The following PLEKHG4B variants were observed in gnomAD, a reference collection of about 807,000 sequenced individuals.
The protein encoded by PLEKHG4B is pleckstrin homology and RhoGEF domain containing G4B.
A neutral mutation model predicts 121.3 loss-of-function variants in PLEKHG4B; 111 were observed. The ratio of observed to expected loss-of-function variants is 0.92; its 90% CI spans 0.78 to 1.07. The LOEUF (loss-of-function observed/expected upper bound fraction) is 1.07. Among genes scored for constraint, PLEKHG4B ranks in the 50% least tolerant of loss-of-function variants. The pLI, the probability that PLEKHG4B is intolerant of heterozygous loss-of-function variation, is 0.00. For missense variants in PLEKHG4B, 1,831 were observed against 1,757.8 expected, an observed-to-expected ratio of 1.04 and a Z score of -0.74; for synonymous variants, 738 against 725.0, an observed-to-expected ratio of 1.02 and a Z score of -0.29.
chr5:99,020 G>A (rs1207722652), intron 1 of PLEKHG4B, among the ~76,000 whole-genome samples: 2 of 146,010 alleles, frequency 1.4e-5, no homozygotes, highest in Admixed American at 6.8e-5. Flanking sequence ...GCTGGGTGTG[G>A]TGCTGTGCAC....
In PLEKHG4B at chr5:113,531, C is replaced by T. The variant is rs1734219361; in HGVS notation, c.243+83C>T. ...CCCTGGGCAGGGCAGGAATTGGGCCCATCAGGGCACTGGCTCAGTTCTTTC... is the reference window on the plus strand; with the variant it reads ...CCCTGGGCAGGGCAGGAATTGGGCCTATCAGGGCACTGGCTCAGTTCTTTC... On this transcript the variant is annotated intron_variant, in intron 2 of 19. Transcript: ENST00000637938. The surrounding 1 kb of genome is among the most constrained non-coding windows in gnomAD (Gnocchi z 5.2). 9 of 398,490 alleles carry T rather than the reference C, an allele frequency of 2.3e-5. No homozygotes were observed. In the East Asian group the frequency reaches 3.2e-4, roughly 14 times the overall value. 24.7% of individuals were successfully genotyped at this position (398,490 alleles called of 1,614,324 possible). A position where few individuals can be genotyped will look rare whatever the true frequency, so the allele number is the denominator to read the frequency against.
At chr5:108,586 G>A (rs1436771423) in intron 1 of PLEKHG4B, among the ~76,000 whole-genome samples, 1 of 147,944 alleles carries the variant, frequency 6.8e-6, no homozygotes, top group African/African-American at 2.5e-5. Context: ...CAGACTGGGT[G>A]CAGATGGCTG....
chr5:116,057 C>T (rs191595572), intron 2 of PLEKHG4B, among the ~76,000 whole-genome samples: 2 of 152,302 alleles, frequency 1.3e-5, no homozygotes, highest in Admixed American at 6.5e-5. Context: ...GCCTTTCTCA[C>T]AAAGCTTAAT....
At chr5:120,330 C>T (rs935081194) in intron 2 of PLEKHG4B, among the ~76,000 whole-genome samples, 9 of 152,174 alleles carry the variant, frequency 5.9e-5, no homozygotes, top group South Asian at 2.1e-4. Context: ...AAAATCTCAT[C>T]GTCTAACAGT....
intron 2 of PLEKHG4B, among the ~76,000 whole-genome samples, chr5:138,469 G>C (rs960938081): frequency 4.6e-5 from 7 of 152,200 alleles, no homozygotes; most frequent in African/African-American, 1.7e-4. Flanking sequence ...ATTAGAAAAA[G>C]GCTTTTGAGA....
rs543378927 is a variant in PLEKHG4B, at chr5:137,456, C to G, written c.244-2027C>G. On this transcript the variant is annotated intron_variant, in intron 2 of 19. Coordinates refer to ENST00000637938, the MANE Select transcript of PLEKHG4B (RefSeq NM_052909.5). This position sits in a 1 kb window ranked among gnomAD's most constrained non-coding sequence, Gnocchi z 4.2. ...ACACACACCCTCCTCCCCACAGTCT[C>G]TGACTTCCCTCCTGCTCTGGGCTGT... Among the ~76,000 whole-genome samples, 4 of 152,342 alleles carry G rather than the reference C, an allele frequency of 2.6e-5. No homozygotes were observed. The highest frequency in any genetic ancestry group is 9.6e-5 in the African/African-American group (4 of 41,578).
intron 18 of PLEKHG4B, among the ~76,000 whole-genome samples, chr5:177,766 C>T (rs140742387): frequency 1.3e-5 from 2 of 152,358 alleles, no homozygotes; most frequent in African/African-American, 4.8e-5. Context: ...AGCCCCTTTC[C>T]CATGATTCTC....
chr5:189,921 A>G lies in PLEKHG4B; in HGVS notation c.*7598A>G, dbSNP rs1377633033. The G allele has an allele frequency of 6.6e-6, 1 of 152,252 alleles. No homozygotes were observed. Among genetic ancestry groups the G allele is most frequent in the Non-Finnish European group, 1.5e-5 (1 of 68,042 alleles). 9.4% of individuals were successfully genotyped at this position (152,252 alleles called of 1,614,324 possible). Reference sequence around the variant, plus strand: ...GTTGTTAAGTGTTTACTTTGTATCAATACTGAATTGTTAAAAATTTTAATC... The same window carrying G: ...GTTGTTAAGTGTTTACTTTGTATCAGTACTGAATTGTTAAAAATTTTAATC... On this transcript the variant is annotated 3_prime_UTR_variant, in exon 20 of 20. Transcript: ENST00000637938.
intron 2 of PLEKHG4B, among the ~76,000 whole-genome samples, chr5:138,910 A>G (rs1283199354): frequency 6.6e-6 from 1 of 152,260 alleles, no homozygotes; most frequent in Non-Finnish European, 1.5e-5. Context: ...AAAGTACACA[A>G]TTGTAAATGG....
At chr5:151,705 C>A in intron 7 of PLEKHG4B, 106 bp downstream of exon 7, 1 of 712,992 alleles carries the variant, frequency 1.4e-6, no homozygotes, top group Non-Finnish European at 2.2e-6. Flanking sequence ...CTAATTGCAT[C>A]CATGTGGGAG....
intron 3 of PLEKHG4B, 115 bp downstream of exon 3, chr5:140,831 C>T (rs1258617801): frequency 1.4e-6 from 1 of 736,980 alleles, no homozygotes; most frequent in East Asian, 3.0e-5. Flanking sequence ...CCTCCCCCTG[C>T]ACACCACCAC....
chr5:150,228 T>G (rs1735561545), intron 6 of PLEKHG4B, among the ~76,000 whole-genome samples: 1 of 152,122 alleles, frequency 6.6e-6, no homozygotes, highest in East Asian at 1.9e-4. Context: ...GTATGAATCT[T>G]GAGAACATGC....
intron 2 of PLEKHG4B, among the ~76,000 whole-genome samples, chr5:138,267 T>C (rs1735042401): frequency 6.6e-6 from 1 of 152,250 alleles, no homozygotes; most frequent in Non-Finnish European, 1.5e-5. Flanking sequence ...CTTTACATTC[T>C]TTAAGTCAAA....
At chr5:150,562 A>G (rs1226556088) in intron 6 of PLEKHG4B, among the ~76,000 whole-genome samples, 1 of 152,232 alleles carries the variant, frequency 6.6e-6, no homozygotes, top group Non-Finnish European at 1.5e-5. Flanking sequence ...TATATAGAAT[A>G]TATACGGTCT....
At chr5:134,070 TGATAGA>T (rs1214509250) in intron 2 of PLEKHG4B, among the ~76,000 whole-genome samples, 4 of 101,358 alleles carry the variant, frequency 3.9e-5, no homozygotes, top group African/African-American at 1.5e-4. Flanking sequence ...TATATATATA[TGATAGA>T]ATATATATAT....
At chr5:155,073 A>G in intron 8 of PLEKHG4B, 82 bp downstream of exon 8, 1 of 1,223,838 alleles carries the variant, frequency 8.2e-7, no homozygotes, top group Admixed American at 1.7e-5. Context: ...AGAATTTGAA[A>G]AGGGCATCAC....
At chr5:174,825 G>A (rs4956988) in intron 18 of PLEKHG4B, among the ~76,000 whole-genome samples, 62,811 of 151,906 alleles carry the variant, frequency 0.41, 15,113 homozygotes, top group Non-Finnish European at 0.56. Flanking sequence ...GGAACAGGGA[G>A]GCAAGGAAAT....
intron 2 of PLEKHG4B, among the ~76,000 whole-genome samples, chr5:116,821 A>G (rs1170085569): frequency 6.6e-6 from 1 of 152,244 alleles, no homozygotes; most frequent in Non-Finnish European, 1.5e-5. Context: ...GGGAGGGGCC[A>G]GGCACAACCT....
chr5:177,079 T>A (rs1055006861), intron 18 of PLEKHG4B, among the ~76,000 whole-genome samples: 8 of 152,202 alleles, frequency 5.3e-5, no homozygotes, highest in Non-Finnish European at 1.0e-4. Flanking sequence ...AGAATTTTGG[T>A]TTAATTGATT....
Sources: allele counts gnomAD v4.1 joint callset (sites outside exome capture counted in the v4.1 genomes callset), GRCh38; gene constraint gnomAD v4.1.1; non-coding constraint Gnocchi (gnomAD v3.1); transcripts MANE v1.5; gene names NCBI Gene and HGNC (gene_info 2026-07-23, HGNC 2026-07-21).